Variants in BOC observed in about 807,000 individuals in gnomAD.
BOC encodes BOC cell adhesion associated, oncogene regulated, also known as brother of CDO.
Under a neutral mutation model 112.0 loss-of-function variants are expected in BOC, and 76 were observed. The observed-to-expected ratio is 0.68, with a 90% confidence interval of 0.56 to 0.82. BOC has a LOEUF of 0.82. Among genes scored for constraint, BOC ranks in the 40% least tolerant of loss-of-function variants. The pLI, the probability that BOC is intolerant of heterozygous loss-of-function variation, is 0.00. For synonymous variants in BOC, 580 were observed against 599.8 expected (o/e 0.97, Z 0.48); for missense variants, 1,309 against 1,511.7 (o/e 0.87, Z 2.22).
chr3:113,236,266 G>GGGTATATATATATATATATATATATA (rs1553726809), intron 2 of BOC, among the ~76,000 whole-genome samples: 1 of 52,588 alleles, frequency 1.9e-5, no homozygotes. Context: ...GTGTGTGTGT[G>GGGTATATATATATATATATATATATA]TATATATACC....
chr3:113,232,926 G>A (rs1279558192), intron 2 of BOC, among the ~76,000 whole-genome samples: 1 of 152,128 alleles, frequency 6.6e-6, no homozygotes, highest in African/African-American at 2.4e-5. Context: ...GTGCCAAACT[G>A]TTCCTTTTAA....
chr3:113,266,885 T>C (rs1255797543), intron 4 of BOC, among the ~76,000 whole-genome samples: 1 of 152,216 alleles, frequency 6.6e-6, no homozygotes, highest in African/African-American at 2.4e-5. Context: ...GTGGGAAGCC[T>C]CCTGACCTCA....
chr3:113,275,014 C>T (rs1576483661), intron 9 of BOC, among the ~76,000 whole-genome samples: 1 of 152,294 alleles, frequency 6.6e-6, no homozygotes, highest in East Asian at 1.9e-4. Context: ...TAACCATCAC[C>T]CTCCTTCTTG....
intron 4 of BOC, among the ~76,000 whole-genome samples, chr3:113,252,671 T>C (rs932087260): frequency 2.6e-5 from 4 of 152,174 alleles, no homozygotes; most frequent in Non-Finnish European, 5.9e-5. Flanking sequence ...GGCCTGCCCT[T>C]TTCTCAGAGG....
Position 113,278,538 on chromosome 3 carries a change from AC to A in BOC, c.1706-132del, listed in dbSNP as rs1315459226. ...CAGTCTCGGCCGAGGCTGAGCCCACACCCTCAGTGCCCCGGATGCTTATTTG... is the reference window on the plus strand; with the variant it reads ...CAGTCTCGGCCGAGGCTGAGCCCACACCTCAGTGCCCCGGATGCTTATTTG... On this transcript the variant is annotated intron_variant, in intron 10 of 19. Transcript: ENST00000682979. The surrounding 1 kb of genome is among the most constrained non-coding windows in gnomAD (Gnocchi z 4.2). 1.6e-5 allele frequency: 13 copies of A among 830,248 alleles called. No individual in the cohort carries two copies. The highest frequency in any genetic ancestry group is 2.3e-5 in the Non-Finnish European group (12 of 518,670). The allele number at this position is 830,248 out of a possible 1,614,324, so 51.4% of individuals were successfully genotyped here. A position where few individuals can be genotyped will look rare whatever the true frequency, so the allele number is the denominator to read the frequency against.
In BOC at chr3:113,287,231, G is replaced by A; in HGVS notation, c.*369G>A. ...GCACATGGTTCATCACGAGCATGAG[G>A]GAACAGCAAGGGGCACGGTATCACA... On this transcript the variant is annotated 3_prime_UTR_variant, in exon 20 of 20. Transcript: ENST00000682979. 2.8e-6 allele frequency: 1 copy of A among 363,280 alleles called. No homozygotes were observed. The highest frequency in any genetic ancestry group is 5.3e-6 in the Non-Finnish European group (1 of 187,300). 22.5% of individuals were successfully genotyped at this position (363,280 alleles called of 1,614,324 possible).
intron 2 of BOC, among the ~76,000 whole-genome samples, chr3:113,241,132 G>T (rs1213250862): frequency 6.6e-6 from 1 of 152,230 alleles, no homozygotes; most frequent in African/African-American, 2.4e-5. Context: ...TTGGCCACAG[G>T]CCTGATACCC....
rs989838725 is a variant in BOC, at chr3:113,278,552, G to A, written c.1706-121G>A. 5 of 901,918 alleles carry A rather than the reference G, an allele frequency of 5.5e-6. No homozygotes were observed. Among genetic ancestry groups the A allele is most frequent in the Admixed American group, 2.2e-5 (1 of 46,296 alleles). The allele number at this position is 901,918 out of a possible 1,614,324, so 55.9% of individuals were successfully genotyped here. ...GCTGAGCCCACACCCTCAGTGCCCC[G>A]GATGCTTATTTGCATCACTTTGTCA... On this transcript the variant is annotated intron_variant, in intron 10 of 19. Transcript: ENST00000682979. The surrounding 1 kb of genome is among the most constrained non-coding windows in gnomAD (Gnocchi z 4.2).
At chr3:113,223,029 G>T (rs1364863595) in intron 2 of BOC, among the ~76,000 whole-genome samples, 1 of 152,254 alleles carries the variant, frequency 6.6e-6, no homozygotes, top group Non-Finnish European at 1.5e-5. Flanking sequence ...CCCAGAGGGG[G>T]ACAGATCTGA....
chr3:113,286,546 T>C (rs912152973), intron 19 of BOC, 129 bp from the exon 20 acceptor site: 26 of 838,722 alleles, frequency 3.1e-5, no homozygotes, highest in Non-Finnish European at 4.7e-5. Context: ...GTCTCGGTTG[T>C]AGGTTTCTGT....
chr3:113,283,775 C>T, intron 16 of BOC, 143 bp downstream of exon 16: 1 of 740,192 alleles, frequency 1.4e-6, no homozygotes, highest in Non-Finnish European at 2.2e-6. Flanking sequence ...CACCCAACGA[C>T]TGGGCCCCTC....
chr3:113,269,599 T>C (rs1443562236), intron 5 of BOC: 3 of 152,136 alleles, frequency 2.0e-5, no homozygotes, highest in African/African-American at 7.2e-5. Context: ...CAACTCTTTC[T>C]GGTTATGAAA....
At chr3:113,249,133 T>A (rs927501718) in intron 2 of BOC, among the ~76,000 whole-genome samples, 1 of 152,066 alleles carries the variant, frequency 6.6e-6, no homozygotes, top group African/African-American at 2.4e-5. Flanking sequence ...TTTTCAGGGA[T>A]CTAGGCATAG....
In BOC at chr3:113,274,940, A is replaced by G. The variant is rs181990754; in HGVS notation, c.1542+258A>G. Among the ~76,000 whole-genome samples, 1 of 152,342 alleles carries G rather than the reference A, an allele frequency of 6.6e-6. No individual in the cohort carries two copies. The highest frequency in any genetic ancestry group is 2.1e-4 in the South Asian group (1 of 4,828). ...GTGCATCCAGTACTAAGCTCTATGC[A>G]CTCAATTCCCAGAAGCTCACACTGG... On this transcript the variant is annotated intron_variant, in intron 9 of 19. Coordinates refer to ENST00000682979, the MANE Select transcript of BOC (RefSeq NM_001378074.1). The surrounding 1 kb of genome is among the most constrained non-coding windows in gnomAD (Gnocchi z 4.8).
chr3:113,229,277 G>A (rs965516329), intron 2 of BOC, among the ~76,000 whole-genome samples: 2 of 152,240 alleles, frequency 1.3e-5, no homozygotes, highest in Non-Finnish European at 2.9e-5. Context: ...CCCTTGGATG[G>A]CCAACGGCTG....
chr3:113,259,388 C>T (rs1259501468), intron 4 of BOC, among the ~76,000 whole-genome samples: 1 of 152,118 alleles, frequency 6.6e-6, no homozygotes, highest in African/African-American at 2.4e-5. Context: ...GTTTGAGGAG[C>T]CTTTTGCACC....
intron 4 of BOC, among the ~76,000 whole-genome samples, chr3:113,258,210 A>G (rs1177434460): frequency 6.6e-6 from 1 of 152,072 alleles, no homozygotes; most frequent in Non-Finnish European, 1.5e-5. Context: ...TAAAAACCAA[A>G]TTCAGCTCTT....
chr3:113,248,902 A>C (rs1945271267), intron 2 of BOC, among the ~76,000 whole-genome samples: 1 of 152,170 alleles, frequency 6.6e-6, no homozygotes, highest in Non-Finnish European at 1.5e-5. Flanking sequence ...AACTTGGGTA[A>C]TCAAGAGTGT....
intron 2 of BOC, among the ~76,000 whole-genome samples, chr3:113,237,269 G>A (rs922586314): frequency 2.0e-5 from 3 of 152,166 alleles, no homozygotes. Flanking sequence ...GGGAGCTGGG[G>A]TAAAACTAGG....
Sources: gnomAD v4.1 joint callset for allele counts (sites outside exome capture counted in the v4.1 genomes callset) on GRCh38, gnomAD v4.1.1 for gene constraint, Gnocchi (gnomAD v3.1) non-coding constraint, MANE v1.5 for transcripts, NCBI Gene and HGNC (gene_info 2026-07-23, HGNC 2026-07-21) for gene names.